The following CD109 variants were observed in gnomAD, a reference collection of about 807,000 sequenced individuals.
CD109 encodes the protein CD109 antigen.
In CD109, 149 loss-of-function variants were observed where a neutral mutation model predicts 165.8. That is an observed-to-expected ratio of 0.90 (90% CI 0.79 to 1.03). The LOEUF (loss-of-function observed/expected upper bound fraction) is 1.03. CD109 is among the 50% of genes least tolerant of loss of function. The probability of loss-of-function intolerance (pLI) is 0.00; values close to 1 mark genes in which losing one functional copy is unlikely to be tolerated. For missense variants in CD109, 1,712 were observed against 1,677.8 expected (o/e 1.02, Z -0.36); for synonymous variants, 585 against 592.1 (o/e 0.99, Z 0.18).
intron 14 of CD109, among the ~76,000 whole-genome samples, chr6:73,768,547 A>G (rs1396802636): frequency 1.3e-5 from 2 of 152,186 alleles, no homozygotes; most frequent in African/African-American, 2.4e-5. Context: ...CAGTGGTAAC[A>G]TAGAATTCGT....
At chr6:73,758,092 G>A (rs1294314292) in intron 6 of CD109, among the ~76,000 whole-genome samples, 2 of 151,984 alleles carry the variant, frequency 1.3e-5, no homozygotes. Context: ...TGACTTTTTG[G>A]TCTCCCTGTC....
intron 2 of CD109, among the ~76,000 whole-genome samples, chr6:73,722,420 A>G (rs1417486270): frequency 6.6e-6 from 1 of 152,102 alleles, no homozygotes. Flanking sequence ...GTACATATCA[A>G]ATTCTTGATG....
intron 26 of CD109, among the ~76,000 whole-genome samples, chr6:73,809,065 T>G (rs1775667762): frequency 6.6e-6 from 1 of 152,086 alleles, no homozygotes; most frequent in African/African-American, 2.4e-5. Context: ...TCTTTGACAT[T>G]TTTTCTTCTT....
At chr6:73,719,697 C>T (rs1771874301) in intron 2 of CD109, among the ~76,000 whole-genome samples, 1 of 152,138 alleles carries the variant, frequency 6.6e-6, no homozygotes, top group South Asian at 2.1e-4. Context: ...ATTCCATCCC[C>T]CAACACCCCC....
In CD109 at chr6:73,798,144, T is replaced by A. The variant is rs182282175; in HGVS notation, c.2879-5076T>A. Among the ~76,000 whole-genome samples the A allele has an allele frequency of 1.1e-3, 170 of 151,088 alleles. 1 individual carries two copies. Among genetic ancestry groups the A allele is most frequent in the Non-Finnish European group, 2.2e-3 (147 of 67,874 alleles). ...TTTTTCTTTTTTTTGTGATGGAGTC[T>A]TGCTCTGTCATCCAGTCTGGAGTAC... On this transcript the variant is annotated intron_variant, in intron 23 of 32. Coordinates refer to ENST00000287097, the MANE Select transcript of CD109 (RefSeq NM_133493.5).
chr6:73,801,490 A>T (rs893081983), intron 23 of CD109, among the ~76,000 whole-genome samples: 7 of 152,220 alleles, frequency 4.6e-5, no homozygotes, highest in Non-Finnish European at 8.8e-5. Flanking sequence ...AAATGTTTAT[A>T]TTTCTTTTAC....
At chr6:73,737,324 T>G (rs1772583593) in intron 5 of CD109, among the ~76,000 whole-genome samples, 2 of 152,208 alleles carry the variant, frequency 1.3e-5, no homozygotes, top group Non-Finnish European at 2.9e-5. Context: ...GGGACTCGTG[T>G]GTGAATTGAC....
rs1460632450 is a variant in CD109, at chr6:73,809,095, A to AG, written c.3355+848dup. On this transcript the variant is annotated intron_variant, in intron 26 of 32. Coordinates refer to ENST00000287097, the MANE Select transcript of CD109 (RefSeq NM_133493.5). ...CTTCTTGTCTGCTTGGCTAAGTGGT[A>AG]GTTATTTAATATTCCACCTAAGTGT... Among the ~76,000 whole-genome samples the AG allele has an allele frequency of 3.3e-5, 5 of 152,104 alleles. No homozygotes were observed. In the East Asian group the frequency reaches 9.6e-4, roughly 29 times the overall value.
intron 25 of CD109, among the ~76,000 whole-genome samples, chr6:73,807,417 GTTTAGA>G (rs978444027): frequency 3.3e-5 from 5 of 152,188 alleles, no homozygotes; most frequent in African/African-American, 1.2e-4. Context: ...GTTCTAGCAA[GTTTAGA>G]TTGCAAAGGA....
intron 1 of CD109, among the ~76,000 whole-genome samples, chr6:73,696,896 A>G (rs1004218185): frequency 6.6e-6 from 1 of 152,200 alleles, no homozygotes; most frequent in African/African-American, 2.4e-5. Flanking sequence ...CAAATGGTAT[A>G]TTTCAATCAA....
intron 23 of CD109, among the ~76,000 whole-genome samples, chr6:73,793,323 T>C (rs754073617): frequency 6.6e-6 from 1 of 152,204 alleles, no homozygotes; most frequent in Non-Finnish European, 1.5e-5. Context: ...TGAGGAAATG[T>C]CATGCTAGTG....
chr6:73,690,110 AG>A, the CD109 span, among the ~76,000 whole-genome samples: 3 of 152,104 alleles, frequency 2.0e-5, no homozygotes, highest in African/African-American at 7.2e-5. Context: ...ACTTTATCAT[AG>A]TCTCAGTTTT....
intron 23 of CD109, 45 bp from the exon 24 acceptor site, chr6:73,803,175 G>T: frequency 1.5e-6 from 2 of 1,318,726 alleles, no homozygotes; most frequent in Non-Finnish European, 2.2e-6. Context: ...TTCATCCATT[G>T]CAAGTTAATG....
At chr6:73,687,961 A>G in the CD109 span, among the ~76,000 whole-genome samples, 1 of 152,232 alleles carries the variant, frequency 6.6e-6, no homozygotes, top group African/African-American at 2.4e-5. Flanking sequence ...TTCTTTGCTT[A>G]TTAATAGATT....
intron 23 of CD109, among the ~76,000 whole-genome samples, chr6:73,797,356 C>T (rs963443361): frequency 6.6e-6 from 1 of 152,172 alleles, no homozygotes; most frequent in African/African-American, 2.4e-5. Context: ...GCCTGCAGTT[C>T]AACTTTTTAA....
chr6:73,693,646 G>A (rs1296829400), upstream of CD109, among the ~76,000 whole-genome samples: 1 of 152,210 alleles, frequency 6.6e-6, no homozygotes, highest in Non-Finnish European at 1.5e-5. Context: ...CACCTCCTGG[G>A]TTCAAGTGAT....
At chr6:73,757,570 A>G (rs1773444271) in intron 6 of CD109, among the ~76,000 whole-genome samples, 2 of 152,212 alleles carry the variant, frequency 1.3e-5, no homozygotes, top group Non-Finnish European at 2.9e-5. Context: ...TCTGATCTGT[A>G]ACTGTGCTCT....
In CD109 at chr6:73,768,194, T is replaced by C; in HGVS notation, c.1637T>C (p.Val546Ala). ...GATGATGGGGAAATTATAAGTGATG[T>C]TCTAAAAATTCCTGTTCAGCTTGTT... ...IEDDGEIISD[V>A]LKIPVQLVFK... The change falls in exon 14 of 33, where the codon GTT becomes GCT. Residue 546 changes from valine (V) to alanine (A), a missense_variant. Transcript: ENST00000287097. 1 of 1,593,202 alleles carries C rather than the reference T, an allele frequency of 6.3e-7. No homozygotes were observed. Among genetic ancestry groups the C allele is most frequent in the Non-Finnish European group, 8.6e-7 (1 of 1,161,962 alleles).
At chr6:73,806,202 G>A (rs1775556314) in intron 24 of CD109, among the ~76,000 whole-genome samples, 1 of 152,290 alleles carries the variant, frequency 6.6e-6, no homozygotes, top group South Asian at 2.1e-4. Flanking sequence ...ATGAGTTCAT[G>A]TCCTTTGTAG....
Sources: allele counts gnomAD v4.1 joint callset (sites outside exome capture counted in the v4.1 genomes callset), GRCh38; gene constraint gnomAD v4.1.1; transcripts MANE v1.5; gene names NCBI Gene and HGNC (gene_info 2026-07-23, HGNC 2026-07-21).